The following MSI2 variants were observed in gnomAD, a reference collection of about 807,000 sequenced individuals.
MSI2 encodes RNA-binding protein Musashi homolog 2.
Under a neutral mutation model 45.6 loss-of-function variants are expected in MSI2, and 17 were observed. The ratio of observed to expected loss-of-function variants is 0.37; its 90% CI spans 0.26 to 0.56. MSI2 has a LOEUF of 0.56. Among genes scored for constraint, MSI2 ranks in the 20% least tolerant of loss-of-function variants. MSI2 has a pLI of 0.77. For missense variants in MSI2, 293 were observed against 444.2 expected (o/e 0.66, Z 3.06); for synonymous variants, 156 against 158.2 (o/e 0.99, Z 0.11).
At chr17:57,644,328 C>G (rs1910489291) in intron 10 of MSI2, among the ~76,000 whole-genome samples, 1 of 151,910 alleles carries the variant, frequency 6.6e-6, no homozygotes, top group African/African-American at 2.4e-5. Flanking sequence ...TCTTTGCACC[C>G]CCTGTTCTGA....
intron 6 of MSI2, among the ~76,000 whole-genome samples, chr17:57,412,172 G>C (rs1176520222): frequency 1.3e-5 from 2 of 151,802 alleles, no homozygotes; most frequent in Non-Finnish European, 2.9e-5. Context: ...TAAGTAGCTG[G>C]GTTTACAGGC....
intron 6 of MSI2, among the ~76,000 whole-genome samples, chr17:57,461,726 G>T (rs2085234267): frequency 6.6e-6 from 1 of 152,028 alleles, no homozygotes; most frequent in Non-Finnish European, 1.5e-5. Context: ...GTAGAGACAG[G>T]TTTCACCATG....
chr17:57,374,258 C>G (rs1193959411), intron 5 of MSI2, among the ~76,000 whole-genome samples: 1 of 152,138 alleles, frequency 6.6e-6, no homozygotes, highest in Non-Finnish European at 1.5e-5. Flanking sequence ...TTTTGCAACC[C>G]TAGGCATAAG....
At chr17:57,295,482 G>GATTATT (rs142519824) in intron 5 of MSI2, among the ~76,000 whole-genome samples, 2 of 152,042 alleles carry the variant, frequency 1.3e-5, no homozygotes, top group Non-Finnish European at 2.9e-5. Context: ...GTTTTTGGGG[G>GATTATT]ATTATTATTA....
chr17:57,391,822 C>T (rs1255123654), intron 5 of MSI2, among the ~76,000 whole-genome samples: 1 of 152,236 alleles, frequency 6.6e-6, no homozygotes, highest in Non-Finnish European at 1.5e-5. Flanking sequence ...AAATGCACGA[C>T]TTCCTCGCAG....
At chr17:57,452,143 G>T (rs79950885) in intron 6 of MSI2, among the ~76,000 whole-genome samples, 1 of 152,204 alleles carries the variant, frequency 6.6e-6, no homozygotes, top group Non-Finnish European at 1.5e-5. Flanking sequence ...CATGGTAAGG[G>T]TTAACCAGTT....
At chr17:57,695,152 A>G in the MSI2 span, among the ~76,000 whole-genome samples, 1 of 152,240 alleles carries the variant, frequency 6.6e-6, no homozygotes, top group African/African-American at 2.4e-5. Flanking sequence ...AACATGAGAA[A>G]GTTCACACAG....
chr17:57,658,487 A>G (rs1029361455), intron 11 of MSI2, among the ~76,000 whole-genome samples: 5 of 152,218 alleles, frequency 3.3e-5, no homozygotes, highest in African/African-American at 4.8e-5. Flanking sequence ...GTGAATTTAT[A>G]ATAATGCTGA....
At chr17:57,632,936 C>A (rs1004934272) in intron 10 of MSI2, 2 of 1,056,874 alleles carry the variant, frequency 1.9e-6, no homozygotes, top group Non-Finnish European at 2.3e-6. Flanking sequence ...TTCCTGCAGG[C>A]TTTTCCATGA....
Position 57,443,787 on chromosome 17 carries a change from A to G in MSI2, c.405+42316A>G, listed in dbSNP as rs116232310. 5.1e-3 allele frequency among the ~76,000 whole-genome samples: 780 copies of G among 152,228 alleles called. 2 individuals are homozygous for G. The highest frequency in any genetic ancestry group is 0.018 in the African/African-American group (748 of 41,534). On this transcript the variant is annotated intron_variant, in intron 6 of 13. Coordinates refer to ENST00000284073, the MANE Select transcript of MSI2 (RefSeq NM_138962.4). ...TGTACCTCAGTTCCTCCAGAGACAA[A>G]AGGGGATCATCATTGTCCCTACCTT...
Position 57,529,717 on chromosome 17 carries a change from G to A in MSI2, c.447G>A (p.Arg149=), listed in dbSNP as rs2086782009. 4 of 1,612,800 alleles carry A rather than the reference G, an allele frequency of 2.5e-6. No individual in the cohort carries two copies. The highest frequency in any genetic ancestry group is 1.7e-5 in the Admixed American group (1 of 59,702). Residue 149 remains arginine, a synonymous_variant, in exon 7 of 14, where the codon AGG becomes AGA. Coordinates refer to ENST00000284073, the MANE Select transcript of MSI2 (RefSeq NM_138962.4). The surrounding 1 kb of genome is among the most constrained non-coding windows in gnomAD (Gnocchi z 5.3). The part of the protein sequence containing the change: ...AMLMFDKTTN[R]HRGFGFVTFE... ...TGATGTTTGATAAAACTACCAACAG[G>A]CACAGAGGTAAGATTACCCCAGTGT...
chr17:57,356,388 C>A (rs570977961), intron 5 of MSI2, among the ~76,000 whole-genome samples: 21 of 152,234 alleles, frequency 1.4e-4, no homozygotes, highest in Non-Finnish European at 2.6e-4. Context: ...CAGGGAGAAC[C>A]ACCCCAGACT....
At chr17:57,608,982 G>C (rs1046332664) in intron 8 of MSI2, among the ~76,000 whole-genome samples, 1 of 152,224 alleles carries the variant, frequency 6.6e-6, no homozygotes, top group Non-Finnish European at 1.5e-5. Context: ...AAGGAGGGCT[G>C]TGCAGGGAGG....
intron 6 of MSI2, among the ~76,000 whole-genome samples, chr17:57,473,349 T>G (rs553817637): frequency 1.2e-4 from 19 of 152,286 alleles, no homozygotes; most frequent in Admixed American, 3.3e-4. Context: ...CCCACACGGA[T>G]GTATATATAA....
intron 5 of MSI2, among the ~76,000 whole-genome samples, chr17:57,375,042 G>A (rs1482751389): frequency 6.6e-6 from 1 of 152,146 alleles, no homozygotes; most frequent in Non-Finnish European, 1.5e-5. Flanking sequence ...TGTTGGTGTG[G>A]CGGCTGAGTG....
chr17:57,357,688 C>G (rs566446916), intron 5 of MSI2, among the ~76,000 whole-genome samples: 1 of 152,074 alleles, frequency 6.6e-6, no homozygotes, highest in Non-Finnish European at 1.5e-5. Context: ...ATGACCTGCC[C>G]GACTTGATTT....
intron 11 of MSI2, among the ~76,000 whole-genome samples, chr17:57,663,991 G>A (rs977420201): frequency 6.6e-6 from 1 of 150,720 alleles, no homozygotes; most frequent in Non-Finnish European, 1.5e-5. Flanking sequence ...ACTCCAGTGA[G>A]GATGATTAAC....
intron 7 of MSI2, among the ~76,000 whole-genome samples, chr17:57,567,319 T>C (rs938470033): frequency 4.2e-4 from 64 of 152,374 alleles, no homozygotes; most frequent in Middle Eastern, 3.4e-3. Context: ...TCTGTAGCTT[T>C]TTGTATTCAA....
chr17:57,557,474 A>G (rs908076125), intron 7 of MSI2, among the ~76,000 whole-genome samples: 1 of 152,250 alleles, frequency 6.6e-6, no homozygotes, highest in Non-Finnish European at 1.5e-5. Context: ...GAATTTGGCA[A>G]TGCCATCACC....
Sources: allele counts gnomAD v4.1 joint callset (sites outside exome capture counted in the v4.1 genomes callset), GRCh38; gene constraint gnomAD v4.1.1; non-coding constraint Gnocchi (gnomAD v3.1); transcripts MANE v1.5; gene names NCBI Gene and HGNC (gene_info 2026-07-23, HGNC 2026-07-21).